The following C1orf141 variants were observed in gnomAD, a reference collection of about 807,000 sequenced individuals.
C1orf141 encodes the protein chromosome 1 open reading frame 141, also known as uncharacterized protein C1orf141.
C1orf141 carries 19 observed loss-of-function variants against 23.2 expected under a neutral mutation model. The observed-to-expected ratio is 0.82, with a 90% CI of 0.57 to 1.20. The LOEUF (loss-of-function observed/expected upper bound fraction) is 1.20. Among genes scored for constraint, C1orf141 ranks in the 50% most tolerant of loss-of-function variants. The pLI is 0.00. For synonymous variants in C1orf141, 153 were observed against 154.6 expected (o/e 0.99, Z 0.08); for missense variants, 469 against 455.1 (o/e 1.03, Z -0.28).
intron 5 of C1orf141, among the ~76,000 whole-genome samples, chr1:67,099,061 AG>A (rs1645745782): frequency 6.6e-6 from 1 of 152,220 alleles, no homozygotes; most frequent in Admixed American, 6.5e-5. Flanking sequence ...GAAATTGTAA[AG>A]AATCTATATT....
chr1:67,095,628 T>A (rs67598816), intron 6 of C1orf141: 34,001 of 428,186 alleles, frequency 0.079, 1,446 homozygotes, highest in South Asian at 0.14. Context: ...GAGAGTCATA[T>A]ATATGCCTCT....
chr1:67,128,131 A>G (rs945516367), intron 2 of C1orf141, among the ~76,000 whole-genome samples: 3 of 152,156 alleles, frequency 2.0e-5, no homozygotes, highest in Non-Finnish European at 4.4e-5. Flanking sequence ...TCCCATTGCC[A>G]TAATGGTTCA....
At chr1:67,104,926 T>A (rs1466320658) in intron 5 of C1orf141, among the ~76,000 whole-genome samples, 2 of 152,206 alleles carry the variant, frequency 1.3e-5, no homozygotes, top group African/African-American at 4.8e-5. Context: ...GATTAAAATG[T>A]TGTAATTATT....
chr1:67,111,532 T>C, intron 5 of C1orf141: 1 of 756,398 alleles, frequency 1.3e-6, no homozygotes, highest in Non-Finnish European at 1.9e-6. Context: ...TAGGACTAAT[T>C]TGAATTTCTA....
At chr1:67,135,906 C>CAAAAAAAAAAAAAAAAAAAAAAAAAAAA (rs59519661), upstream of C1orf141, among the ~76,000 whole-genome samples, 4 of 62,620 alleles carry the variant, frequency 6.4e-5, 1 homozygote, top group African/African-American at 2.3e-4. Context: ...GGCAAAACTG[C>CAAAAAAAAAAAAAAAAAAAAAAAAAAAA]AAAAAAAAAA....
At chr1:67,094,955 A>T (rs886609387) in intron 7 of C1orf141, 26 of 276,914 alleles carry the variant, frequency 9.4e-5, no homozygotes, top group African/African-American at 5.5e-4. Flanking sequence ...AGCCATTTTT[A>T]AAAAATTCTT....
At chr1:67,111,088 C>T (rs887684154) in intron 5 of C1orf141, among the ~76,000 whole-genome samples, 1 of 151,872 alleles carries the variant, frequency 6.6e-6, no homozygotes, top group African/African-American at 2.4e-5. Flanking sequence ...CTTCAGCATG[C>T]CCATGAACTT....
At chr1:67,105,486 C>A (rs1645904832) in intron 5 of C1orf141, among the ~76,000 whole-genome samples, 1 of 151,802 alleles carries the variant, frequency 6.6e-6, no homozygotes. Flanking sequence ...TTAGGGAGTG[C>A]CCAATAATGC....
Position 67,103,244 on chromosome 1 carries a change from ATAAAG to A in C1orf141, c.347-6928_347-6924del, listed in dbSNP as rs759879952. ...AAACATGCAATTTGTATACCTGTAA[ATAAAG>A]TAGAGTCTTTTTCCTTTTTATGAGC... On this transcript the variant is annotated intron_variant, in intron 5 of 7. Transcript: ENST00000684719. 1.4e-5 allele frequency: 20 copies of A among 1,419,572 alleles called. No individual in the cohort carries two copies. In the East Asian group the frequency reaches 1.8e-4, roughly 13 times the overall value. 87.9% of individuals were successfully genotyped at this position (1,419,572 alleles called of 1,614,324 possible). A position where few individuals can be genotyped will look rare whatever the true frequency, so the allele number is the denominator to read the frequency against.
At chr1:67,110,835 T>A (rs1646052741) in intron 5 of C1orf141, among the ~76,000 whole-genome samples, 2 of 150,668 alleles carry the variant, frequency 1.3e-5, no homozygotes, top group East Asian at 1.9e-4. Flanking sequence ...TAATATTTTT[T>A]AAATTATAAA....
intron 1 of C1orf141, among the ~76,000 whole-genome samples, chr1:67,140,223 A>C (rs1646623636): frequency 6.6e-6 from 1 of 152,242 alleles, no homozygotes. Context: ...TGCATGCAAA[A>C]GCAAAATATT....
intron 2 of C1orf141, among the ~76,000 whole-genome samples, chr1:67,130,495 A>T (rs1646496914): frequency 6.6e-6 from 1 of 152,212 alleles, no homozygotes. Flanking sequence ...CACATAGGAC[A>T]TTTTAAGAGG....
chr1:67,107,000 T>C (rs1356014955), intron 5 of C1orf141, among the ~76,000 whole-genome samples: 1 of 152,204 alleles, frequency 6.6e-6, no homozygotes, highest in East Asian at 1.9e-4. Context: ...CCCTTTACTT[T>C]CTTTAAAACA....
intron 5 of C1orf141, chr1:67,113,816 G>A: frequency 1.5e-6 from 1 of 669,320 alleles, no homozygotes; most frequent in Non-Finnish European, 2.4e-6. Flanking sequence ...TGGAAGGCCA[G>A]GTGATTAGTA....
intron 5 of C1orf141, among the ~76,000 whole-genome samples, chr1:67,105,125 A>G (rs918568662): frequency 2.0e-5 from 3 of 151,962 alleles, no homozygotes; most frequent in Non-Finnish European, 4.4e-5. Context: ...TCAGGAGTTC[A>G]AGACCAGCCC....
At chr1:67,141,119 G>T (rs897431085) in intron 1 of C1orf141, among the ~76,000 whole-genome samples, 7 of 152,102 alleles carry the variant, frequency 4.6e-5, no homozygotes, top group Admixed American at 2.0e-4. Flanking sequence ...GTTAATTGAA[G>T]AAATTATAAG....
chr1:67,117,154 G>A (rs1570713839), intron 4 of C1orf141, among the ~76,000 whole-genome samples: 1 of 152,178 alleles, frequency 6.6e-6, no homozygotes, highest in African/African-American at 2.4e-5. Context: ...CGGGCGCGGT[G>A]GCTAATGCCT....
intron 5 of C1orf141, among the ~76,000 whole-genome samples, chr1:67,099,640 G>T (rs560605492): frequency 6.6e-6 from 1 of 152,132 alleles, no homozygotes; most frequent in Non-Finnish European, 1.5e-5. Context: ...TTAGCCAGGC[G>T]TGGTGGTGCA....
In C1orf141 at chr1:67,115,040, C is replaced by T. The variant is rs147548872; in HGVS notation, c.346+312G>A. 6.4e-4 allele frequency among the ~76,000 whole-genome samples: 98 copies of T among 152,288 alleles called. 2 individuals are homozygous for T. In the East Asian group the frequency reaches 0.018, roughly 28 times the overall value. On this transcript the variant is annotated intron_variant, in intron 5 of 7. Transcript: ENST00000684719. ...TATTAAGCAAGCTGTTCATACTTGA[C>T]TTCTAAAAAACAATAACAAGGAAAT...
Sources: gnomAD v4.1 joint callset for allele counts (sites outside exome capture counted in the v4.1 genomes callset) on GRCh38, gnomAD v4.1.1 for gene constraint, MANE v1.5 for transcripts, NCBI Gene and HGNC (gene_info 2026-07-23, HGNC 2026-07-21) for gene names.